The following LRP12 variants were observed in gnomAD, a reference collection of about 807,000 sequenced individuals.
The protein encoded by LRP12 is LDL receptor related protein 12.
Under a neutral mutation model 66.0 loss-of-function variants are expected in LRP12, and 14 were observed. The ratio of observed to expected loss-of-function variants is 0.21; its 90% CI spans 0.14 to 0.33. The LOEUF is 0.33. Among genes scored for constraint, LRP12 ranks in the 10% least tolerant of loss-of-function variants. The pLI, the probability that LRP12 is intolerant of heterozygous loss-of-function variation, is 1.00. For synonymous variants in LRP12, 357 were observed against 359.1 expected, an observed-to-expected ratio of 0.99 and a Z score of 0.07; for missense variants, 889 against 1,053.4, an observed-to-expected ratio of 0.84 and a Z score of 2.16.
At chr8:104,588,452 TTTC>T (rs1370916092) in intron 1 of LRP12, among the ~76,000 whole-genome samples, 1 of 152,130 alleles carries the variant, frequency 6.6e-6, no homozygotes, top group African/African-American at 2.4e-5. Flanking sequence ...GCTCCTCTGC[TTTC>T]TCACAGTCAA....
At chr8:104,493,295 A>T (rs1810666698) in intron 6 of LRP12, among the ~76,000 whole-genome samples, 1 of 152,222 alleles carries the variant, frequency 6.6e-6, no homozygotes, top group African/African-American at 2.4e-5. Flanking sequence ...TGCTATAAAA[A>T]TTTGGTAATT....
intron 2 of LRP12, among the ~76,000 whole-genome samples, chr8:104,528,317 G>C (rs1811272672): frequency 6.6e-6 from 1 of 152,156 alleles, no homozygotes; most frequent in African/African-American, 2.4e-5. Flanking sequence ...GTGGCTTGCT[G>C]ATCTCAACAG....
intron 1 of LRP12, among the ~76,000 whole-genome samples, chr8:104,548,814 C>T (rs1295122804): frequency 6.6e-6 from 1 of 151,482 alleles, no homozygotes; most frequent in East Asian, 1.9e-4. Context: ...TGTGGTGGTG[C>T]ATGCCTGTAA....
At chr8:104,532,756 T>A (rs1048801411) in intron 1 of LRP12, among the ~76,000 whole-genome samples, 8 of 152,116 alleles carry the variant, frequency 5.3e-5, no homozygotes, top group Admixed American at 2.0e-4. Context: ...TTTACAAGTA[T>A]CACACTTCTA....
At chr8:104,519,530 G>T (rs1355591974) in intron 2 of LRP12, among the ~76,000 whole-genome samples, 1 of 151,956 alleles carries the variant, frequency 6.6e-6, no homozygotes, top group Admixed American at 6.6e-5. Flanking sequence ...ATGCTTCAAT[G>T]AGTATTTCCT....
At chr8:104,548,203 A>T (rs1328485896) in intron 1 of LRP12, among the ~76,000 whole-genome samples, 2 of 93,674 alleles carry the variant, frequency 2.1e-5, no homozygotes, top group African/African-American at 1.2e-4. Context: ...TAAATATATG[A>T]TATATTTATA....
intron 2 of LRP12, among the ~76,000 whole-genome samples, chr8:104,524,338 C>T (rs1006935240): frequency 2.6e-5 from 4 of 151,596 alleles, no homozygotes; most frequent in South Asian, 2.1e-4. Flanking sequence ...TTCCAGTCAA[C>T]AGCATGCTAT....
intron 2 of LRP12, among the ~76,000 whole-genome samples, chr8:104,509,463 A>G (rs1810959909): frequency 6.6e-6 from 1 of 152,192 alleles, no homozygotes. Flanking sequence ...CGGGACATGA[A>G]TCTTCCCTTT....
At chr8:104,502,729 G>C (rs148344909) in intron 3 of LRP12, among the ~76,000 whole-genome samples, 1 of 152,014 alleles carries the variant, frequency 6.6e-6, no homozygotes, top group East Asian at 1.9e-4. Context: ...AAACTTAATA[G>C]CTCTTGTTTA....
At chr8:104,495,986 C>G (rs1207395414) in intron 5 of LRP12, 1 of 151,738 alleles carries the variant, frequency 6.6e-6, no homozygotes, top group Non-Finnish European at 1.5e-5. Flanking sequence ...TATTACGATA[C>G]TGTGCATCTG....
At chr8:104,566,985 G>A (rs992207403) in intron 1 of LRP12, among the ~76,000 whole-genome samples, 7 of 150,754 alleles carry the variant, frequency 4.6e-5, no homozygotes, top group Admixed American at 1.3e-4. Context: ...TACAAAATCC[G>A]TAATAAATGT....
At chr8:104,519,217 C>T (rs892962390) in intron 2 of LRP12, among the ~76,000 whole-genome samples, 2 of 151,998 alleles carry the variant, frequency 1.3e-5, no homozygotes, top group African/African-American at 4.8e-5. Flanking sequence ...GACTCCTTGG[C>T]ACCTGAGCCA....
Position 104,495,131 on chromosome 8 carries a change from A to C in LRP12, c.1659T>G (p.Ile553Met). Residue 553 changes from isoleucine to methionine, a missense_variant, in exon 6 of 7, where the codon ATT becomes ATG. Transcript: ENST00000276654. ...REAPPSYGQLIAQGLIPPVED... is the reference protein window; with the variant it reads ...REAPPSYGQLMAQGLIPPVED... Reference sequence around the variant, plus strand: ...CAACTGGTGGAATTAAACCCTGAGCAATCAATTGTCCATACGAGGGAGGAG... The same window carrying C: ...CAACTGGTGGAATTAAACCCTGAGCCATCAATTGTCCATACGAGGGAGGAG... 1 of 1,613,922 alleles carries C rather than the reference A, an allele frequency of 6.2e-7. No individual in the cohort carries two copies. Among genetic ancestry groups the C allele is most frequent in the South Asian group, 1.1e-5 (1 of 91,066 alleles).
chr8:104,497,929 G>C lies in LRP12; in HGVS notation c.623C>G (p.Thr208Ser). The part of the protein sequence containing the change: ...EICAKEANPP[T>S]AAAFQPCAYN... The stretch of plus-strand genomic sequence containing the variant: ...AGCACAGGGTTGAAAAGCAGCAGCA[G>C]TTGGAGGATTTGCTTCTTTGGCACA... The change falls in exon 5 of 7, where the codon ACT becomes AGT. Residue 208 changes from threonine (T) to serine (S), a missense_variant. Around this residue, in one of 3 missense-constraint regions of LRP12, gnomAD observed 800 missense variants for 964.5 expected, o/e 0.83. Transcript: ENST00000276654. This position sits in a 1 kb window ranked among gnomAD's most constrained non-coding sequence, Gnocchi z 4.3. 1 of 1,614,188 alleles carries C rather than the reference G, an allele frequency of 6.2e-7. No homozygotes were observed. The highest frequency in any genetic ancestry group is 2.2e-5 in the East Asian group (1 of 44,870).
At chr8:104,556,688 AAAG>A (rs1811814481) in intron 1 of LRP12, among the ~76,000 whole-genome samples, 2 of 152,342 alleles carry the variant, frequency 1.3e-5, no homozygotes, top group South Asian at 2.1e-4. Flanking sequence ...TCACACATTC[AAAG>A]AAGAATTGGT....
chr8:104,510,298 C>G (rs1251890458), intron 2 of LRP12, among the ~76,000 whole-genome samples: 2 of 152,090 alleles, frequency 1.3e-5, no homozygotes, highest in African/African-American at 4.8e-5. Context: ...TCAATTTATT[C>G]CATTAATACT....
At chr8:104,533,985 C>A (rs1307957295) in intron 1 of LRP12, among the ~76,000 whole-genome samples, 3 of 151,302 alleles carry the variant, frequency 2.0e-5, no homozygotes, top group African/African-American at 7.3e-5. Context: ...GGCAAGTTAC[C>A]CAATCTCTCT....
rs972392042 is a variant in LRP12 at position 104,535,422 on chromosome 8, T to C, written c.80-3459A>G. ...TCCTAAGATTCAGTTTGCTCACTTA[T>C]ATAATGGGGATGTTATCATAAGAGA... On this transcript the variant is annotated intron_variant, in intron 1 of 6. Coordinates refer to ENST00000276654, the MANE Select transcript of LRP12 (RefSeq NM_013437.5). 2.0e-5 allele frequency among the ~76,000 whole-genome samples: 3 copies of C among 152,024 alleles called. 1 individual carries two copies. Among genetic ancestry groups the C allele is most frequent in the Admixed American group, 2.0e-4 (3 of 15,240 alleles).
chr8:104,512,680 A>G (rs1233118913), intron 2 of LRP12, among the ~76,000 whole-genome samples: 1 of 152,174 alleles, frequency 6.6e-6, no homozygotes, highest in Non-Finnish European at 1.5e-5. Flanking sequence ...AAAGAATTTT[A>G]TTAGGTTTTG....
Sources: allele counts gnomAD v4.1 joint callset (sites outside exome capture counted in the v4.1 genomes callset), GRCh38; gene constraint gnomAD v4.1.1; regional missense constraint gnomAD v4.1.1; non-coding constraint Gnocchi (gnomAD v3.1); transcripts MANE v1.5; gene names NCBI Gene and HGNC (gene_info 2026-07-23, HGNC 2026-07-21).